Variants in MYH11 observed in about 807,000 individuals in gnomAD.
MYH11 encodes the protein myosin-11.
A neutral mutation model predicts 246.6 loss-of-function variants in MYH11; 80 were observed. The ratio of observed to expected loss-of-function variants is 0.32; its 90% CI spans 0.27 to 0.39. MYH11 has a LOEUF of 0.39. Among genes scored for constraint, MYH11 ranks in the 10% least tolerant of loss-of-function variants. The pLI is 1.00. For missense variants in MYH11, 2,158 were observed against 2,546.8 expected, an observed-to-expected ratio of 0.85 and a Z score of 3.29; for synonymous variants, 1,071 against 1,015.5, an observed-to-expected ratio of 1.05 and a Z score of -1.04.
chr16:15,834,710 C>T (rs1210848251), intron 2 of MYH11, among the ~76,000 whole-genome samples: 1 of 152,058 alleles, frequency 6.6e-6, no homozygotes, highest in Non-Finnish European at 1.5e-5. Context: ...ACATTTTTAA[C>T]TCAGGGGATG....
Position 15,810,551 on chromosome 16 carries a change from G to A in MYH11, c.503-11864C>T, listed in dbSNP as rs538039016. Among the ~76,000 whole-genome samples the A allele has an allele frequency of 3.7e-3, 568 of 152,144 alleles. 7 individuals are homozygous for A. The highest frequency in any genetic ancestry group is 0.013 in the African/African-American group (531 of 41,508). ...ACACAGTCCCCCATCATTCCCAACCGGGCCAGACACATAGCTGACAGCCAC... is the reference window on the plus strand; with the variant it reads ...ACACAGTCCCCCATCATTCCCAACCAGGCCAGACACATAGCTGACAGCCAC... On this transcript the variant is annotated intron_variant, in intron 3 of 40. Coordinates refer to ENST00000300036, the MANE Select transcript of MYH11 (RefSeq NM_002474.3).
At chr16:15,757,605 G>A (rs2041761970) in intron 13 of MYH11, among the ~76,000 whole-genome samples, 1 of 150,484 alleles carries the variant, frequency 6.6e-6, no homozygotes, top group African/African-American at 2.5e-5. Context: ...GAGGATGGAA[G>A]GAAGGCAGAA....
chr16:15,760,271 G>C (rs1041509359), intron 11 of MYH11, among the ~76,000 whole-genome samples: 4 of 152,032 alleles, frequency 2.6e-5, no homozygotes, highest in African/African-American at 9.7e-5. Flanking sequence ...ATGGACAGAT[G>C]GCTGGGTCAT....
intron 3 of MYH11, among the ~76,000 whole-genome samples, chr16:15,817,595 G>C (rs537225516): frequency 1.2e-4 from 18 of 152,244 alleles, no homozygotes; most frequent in African/African-American, 4.1e-4. Context: ...TTAAATATCA[G>C]CTTCTCTTCC....
At chr16:15,724,041 G>A in intron 31 of MYH11, 120 bp downstream of exon 31, 3 of 1,504,506 alleles carry the variant, frequency 2.0e-6, no homozygotes, top group Non-Finnish European at 2.7e-6. Flanking sequence ...GCCTCCCATG[G>A]CTCCCCACAG....
intron 1 of MYH11, among the ~76,000 whole-genome samples, chr16:15,841,829 C>G (rs577973667): frequency 8.5e-5 from 13 of 152,158 alleles, no homozygotes; most frequent in Non-Finnish European, 1.8e-4. Flanking sequence ...CCACCAGGAT[C>G]TATGCGTGGT....
chr16:15,714,728 G>A (rs943586733), intron 40 of MYH11, 181 bp downstream of exon 40: 20 of 770,770 alleles, frequency 2.6e-5, no homozygotes, highest in African/African-American at 5.1e-5. Flanking sequence ...GGCAGGGCCC[G>A]GGTCTGATCT....
In MYH11 at chr16:15,716,445, C is replaced by G. The variant is rs72772018; in HGVS notation, c.5504+695G>C. Among the ~76,000 whole-genome samples, 655 of 152,222 alleles carry G rather than the reference C, an allele frequency of 4.3e-3. 2 individuals carry two copies. Among genetic ancestry groups the G allele is most frequent in the African/African-American group, 0.013 (554 of 41,536 alleles). On this transcript the variant is annotated intron_variant, in intron 38 of 40. Coordinates refer to ENST00000300036, the MANE Select transcript of MYH11 (RefSeq NM_002474.3). The stretch of plus-strand genomic sequence containing the variant: ...ATGTGCTGTGATCATATGCCTCATT[C>G]GACCCATAATTAAGAAGGCTTCCAG...
intron 27 of MYH11, among the ~76,000 whole-genome samples, chr16:15,730,137 A>G (rs932314723): frequency 3.3e-5 from 5 of 152,006 alleles, no homozygotes; most frequent in East Asian, 1.9e-4. Flanking sequence ...GCCTTCCACC[A>G]TGATGGTAAG....
At chr16:15,761,566 CTTCTT>C (rs2041868256) in intron 10 of MYH11, among the ~76,000 whole-genome samples, 1 of 151,936 alleles carries the variant, frequency 6.6e-6, no homozygotes, top group South Asian at 2.1e-4. Context: ...CCTAAATGCT[CTTCTT>C]TTATTTTGAG....
At chr16:15,769,242 G>C (rs1448702997) in intron 9 of MYH11, among the ~76,000 whole-genome samples, 1 of 152,220 alleles carries the variant, frequency 6.6e-6, no homozygotes, top group Non-Finnish European at 1.5e-5. Flanking sequence ...CTTGAACCCA[G>C]GAGGCAGAGG....
intron 1 of MYH11, among the ~76,000 whole-genome samples, chr16:15,849,397 C>G (rs2044275564): frequency 6.6e-6 from 1 of 152,202 alleles, no homozygotes; most frequent in Admixed American, 6.5e-5. Context: ...TTTGACACAT[C>G]TGAGTGTGTC....
intron 2 of MYH11, among the ~76,000 whole-genome samples, chr16:15,836,486 A>C (rs1230727066): frequency 6.6e-6 from 1 of 151,580 alleles, no homozygotes; most frequent in East Asian, 2.0e-4. Flanking sequence ...TGCAACCTCC[A>C]TCTCCCAGGT....
Position 15,747,619 on chromosome 16 carries a change from C to A in MYH11, c.2362G>T (p.Asp788Tyr), listed in dbSNP as rs768858261. The A allele has an allele frequency of 1.2e-6, 2 of 1,614,080 alleles. No homozygotes were observed. Among genetic ancestry groups the A allele is most frequent in the East Asian group, 4.5e-5 (2 of 44,866 alleles). ...ATCGCCTGGAAGGCCATGATGACAT[C>A]GGTGATCTTCAAATCTCGCTCCTCC... ...LEEERDLKIT[D>Y]VIMAFQAMCR... The change falls in exon 19 of 41, where the codon GAT (aspartate) becomes TAT (tyrosine). Residue 788 changes from aspartate to tyrosine, a missense_variant. Physicochemically the swap from Asp to Tyr is radical, Grantham distance 160. Coordinates refer to ENST00000300036, the MANE Select transcript of MYH11 (RefSeq NM_002474.3).
intron 14 of MYH11, among the ~76,000 whole-genome samples, chr16:15,754,051 CA>C (rs10706166): frequency 0.14 from 18,846 of 132,646 alleles, 2,076 homozygotes; most frequent in African/African-American, 0.32. Context: ...ACTAAAAATA[CA>C]AAAAAAAAAA....
chr16:15,781,922 T>C (rs982434731), intron 6 of MYH11, among the ~76,000 whole-genome samples: 1 of 152,250 alleles, frequency 6.6e-6, no homozygotes, highest in African/African-American at 2.4e-5. Context: ...AGGTACTTAC[T>C]AAGTATTTCT....
At chr16:15,803,089 A>G (rs1417648323) in intron 3 of MYH11, among the ~76,000 whole-genome samples, 1 of 151,356 alleles carries the variant, frequency 6.6e-6, no homozygotes, top group East Asian at 2.0e-4. Context: ...GTGAGTTGAG[A>G]TTTTGCCACT....
chr16:15,808,216 G>T (rs1214415309), intron 3 of MYH11, among the ~76,000 whole-genome samples: 2 of 152,198 alleles, frequency 1.3e-5, no homozygotes, highest in Non-Finnish European at 2.9e-5. Flanking sequence ...GGTGGCCACT[G>T]CATGGCCCTT....
chr16:15,798,561 TG>T (rs1159764270), intron 4 of MYH11, 98 bp downstream of exon 4: 1 of 1,233,614 alleles, frequency 8.1e-7, no homozygotes. Context: ...CAAAGATCTC[TG>T]CACTCATGGA....
Sources: gnomAD v4.1 joint callset for allele counts (sites outside exome capture counted in the v4.1 genomes callset) on GRCh38, gnomAD v4.1.1 for gene constraint, MANE v1.5 for transcripts, NCBI Gene and HGNC (gene_info 2026-07-23, HGNC 2026-07-21) for gene names.